The following DNAH6 variants were observed in gnomAD, a reference collection of about 807,000 sequenced individuals.
DNAH6 encodes axonemal beta dynein heavy chain 6.
DNAH6 carries 340 observed loss-of-function variants against 491.4 expected under a neutral mutation model. The ratio of observed to expected loss-of-function variants is 0.69; its 90% CI spans 0.63 to 0.76. DNAH6 has a LOEUF of 0.76. Among genes scored for constraint, DNAH6 ranks in the 30% least tolerant of loss-of-function variants. DNAH6 has a pLI of 0.00. For missense variants in DNAH6, 4,443 were observed against 4,972.2 expected, an observed-to-expected ratio of 0.89 and a Z score of 3.20; for synonymous variants, 1,603 against 1,686.1, an observed-to-expected ratio of 0.95 and a Z score of 1.21.
chr2:84,707,677 G>A lies in DNAH6; in HGVS notation c.9009G>A (p.Val3003=). ...TGNVFIAAAC[V]AYYGAFTAQY... is the part of the protein sequence containing the mutation. The stretch of plus-strand genomic sequence containing the variant: ...ACGTGTTCATAGCAGCAGCTTGTGT[G>A]GCCTACTATGGGGCTTTCACAGCCC... Residue 3003 remains valine (V), a synonymous_variant, in exon 54 of 77, where the codon GTG becomes GTA. Transcript: ENST00000389394. 2 of 1,552,298 alleles carry A rather than the reference G, an allele frequency of 1.3e-6. No homozygotes were observed. Among genetic ancestry groups the A allele is most frequent in the Admixed American group, 2.0e-5 (1 of 51,016 alleles).
At chr2:84,611,326 G>A (rs916647700) in intron 21 of DNAH6, among the ~76,000 whole-genome samples, 1 of 152,106 alleles carries the variant, frequency 6.6e-6, no homozygotes, top group Non-Finnish European at 1.5e-5. Flanking sequence ...TCTTGTGTAT[G>A]TTTGAAAATG....
chr2:84,798,459 A>C (rs1185861983), intron 70 of DNAH6, among the ~76,000 whole-genome samples: 1 of 152,168 alleles, frequency 6.6e-6, no homozygotes, highest in Non-Finnish European at 1.5e-5. Context: ...TTGAACCCAC[A>C]CACAGCCCAG....
At chr2:84,517,094 A>G (rs1194525157) in intron 1 of DNAH6, among the ~76,000 whole-genome samples, 3 of 152,332 alleles carry the variant, frequency 2.0e-5, no homozygotes, top group Non-Finnish European at 4.4e-5. Flanking sequence ...ACTGATCTAT[A>G]TAAAACCTAG....
chr2:84,642,870 T>C (rs1176310303), intron 33 of DNAH6, among the ~76,000 whole-genome samples: 1 of 152,166 alleles, frequency 6.6e-6, no homozygotes, highest in Non-Finnish European at 1.5e-5. Flanking sequence ...AAATACATTG[T>C]TGCTATAACA....
intron 45 of DNAH6, among the ~76,000 whole-genome samples, chr2:84,691,211 T>C (rs1319666113): frequency 1.3e-5 from 2 of 152,180 alleles, no homozygotes; most frequent in African/African-American, 4.8e-5. Context: ...CAAAGCAGAA[T>C]GGACAAGTAA....
rs1334501666 is a variant in DNAH6, at chr2:84,548,374, A to G, written c.1273A>G (p.Thr425Ala). The change falls in exon 8 of 77, where the codon ACA becomes GCA. Residue 425 changes from threonine (T) to alanine (A), a missense_variant. Transcript: ENST00000389394. ...TYGDSEKMTY[T>A]EQASKRHYCM... ...TGGAGACTCTGAGAAAATGACATAT[A>G]CAGAACAGGCCAGCAAAAGGCATTA... 3 of 1,613,940 alleles carry G rather than the reference A, an allele frequency of 1.9e-6. No homozygotes were observed. Among genetic ancestry groups the G allele is most frequent in the Non-Finnish European group, 2.5e-6 (3 of 1,179,966 alleles).
chr2:84,467,478 A>G, the DNAH6 span, among the ~76,000 whole-genome samples: 3 of 152,226 alleles, frequency 2.0e-5, no homozygotes, highest in African/African-American at 7.2e-5. Context: ...AGAAGTGCAG[A>G]TAAGAGCTGA....
intron 63 of DNAH6, among the ~76,000 whole-genome samples, chr2:84,762,417 A>G (rs186478639): frequency 1.7e-3 from 258 of 152,300 alleles, no homozygotes; most frequent in Middle Eastern, 3.4e-3. Flanking sequence ...GCAGAAAGAG[A>G]CAATGGAGGG....
At chr2:84,744,436 T>G (rs2105040145) in intron 62 of DNAH6, among the ~76,000 whole-genome samples, 1 of 152,354 alleles carries the variant, frequency 6.6e-6, no homozygotes, top group East Asian at 1.9e-4. Flanking sequence ...ACAAATCCAT[T>G]TCTTATAAAT....
At chr2:84,515,880 G>GT (rs1197506867), upstream of DNAH6, among the ~76,000 whole-genome samples, 4 of 152,196 alleles carry the variant, frequency 2.6e-5, no homozygotes, top group Admixed American at 2.6e-4. Flanking sequence ...CGGGAACCAA[G>GT]TAATACGGGC....
At chr2:84,665,088 C>T (rs529608969) in intron 37 of DNAH6, among the ~76,000 whole-genome samples, 222 of 152,278 alleles carry the variant, frequency 1.5e-3, no homozygotes, top group African/African-American at 5.2e-3. Flanking sequence ...CTCTGGGACA[C>T]ATTTAAAGCA....
chr2:84,754,338 C>G (rs1471491312), intron 63 of DNAH6, among the ~76,000 whole-genome samples: 1 of 152,098 alleles, frequency 6.6e-6, no homozygotes, highest in African/African-American at 2.4e-5. Flanking sequence ...CACCACCACA[C>G]CTGGCTAATC....
At chr2:84,579,150 A>G (rs1409642991) in intron 13 of DNAH6, among the ~76,000 whole-genome samples, 1 of 152,176 alleles carries the variant, frequency 6.6e-6, no homozygotes, top group Non-Finnish European at 1.5e-5. Flanking sequence ...CATCAGTCAG[A>G]CTGCATATTT....
Position 84,670,395 on chromosome 2 carries a change from A to C in DNAH6, c.6374A>C (p.Asn2125Thr). Residue 2125 changes from asparagine to threonine, a missense_variant, in exon 39 of 77, where the codon AAT becomes ACT. This residue lies in a region of DNAH6 where 2,977 missense variants were observed against 3,296.6 expected (regional missense o/e 0.90). Coordinates refer to ENST00000389394, the MANE Select transcript of DNAH6 (RefSeq NM_001370.2). Reference sequence around the variant, plus strand: ...GCTGGCTATGTCCCTGTTTATCTAAATTTTTCTGCTCAAACTTCATCTGCA... The same window carrying C: ...GCTGGCTATGTCCCTGTTTATCTAACTTTTTCTGCTCAAACTTCATCTGCA... ...ESAGYVPVYL[N>T]FSAQTSSART... 6.5e-7 allele frequency: 1 copy of C among 1,546,454 alleles called. No homozygotes were observed. The highest frequency in any genetic ancestry group is 1.2e-5 in the South Asian group (1 of 82,978).
chr2:84,722,926 C>G (rs559465547), intron 60 of DNAH6, 122 bp downstream of exon 60: 2 of 646,288 alleles, frequency 3.1e-6, no homozygotes, highest in Non-Finnish European at 4.9e-6. Flanking sequence ...CAGGTGCATG[C>G]AAGGTTCAAG....
intron 15 of DNAH6, 90 bp from the exon 16 acceptor site, chr2:84,588,736 C>A: frequency 2.6e-6 from 3 of 1,164,194 alleles, no homozygotes; most frequent in South Asian, 2.1e-5. Flanking sequence ...AGAAAGGAAT[C>A]TTTTTAAAAA....
chr2:84,487,736 T>A, the DNAH6 span, among the ~76,000 whole-genome samples: 1 of 152,150 alleles, frequency 6.6e-6, no homozygotes, highest in Non-Finnish European at 1.5e-5. Context: ...TTCACAAATA[T>A]TTGGGCCCAC....
Position 84,654,778 on chromosome 2 carries a change from A to C in DNAH6, c.5753A>C (p.Lys1918Thr). Residue 1918 changes from lysine (K) to threonine (T), a missense_variant, in exon 35 of 77, where the codon AAA (lysine) becomes ACA (threonine). Coordinates refer to ENST00000389394, the MANE Select transcript of DNAH6 (RefSeq NM_001370.2). ...YVKTWMKGIS[K>T]KLTEETQEYI... is the part of the protein sequence containing the mutation. The stretch of plus-strand genomic sequence containing the variant: ...AAAACTTGGATGAAGGGTATTTCTA[A>C]AAAAGTAAGTGCCATCAGATATTCC... 1 of 1,550,740 alleles carries C rather than the reference A, an allele frequency of 6.4e-7. No individual in the cohort carries two copies. The highest frequency in any genetic ancestry group is 8.7e-7 in the Non-Finnish European group (1 of 1,146,048).
intron 64 of DNAH6, among the ~76,000 whole-genome samples, chr2:84,780,697 T>C (rs572712595): frequency 4.5e-4 from 69 of 152,342 alleles, no homozygotes; most frequent in South Asian, 1.4e-3. Flanking sequence ...ATTTTTTGAA[T>C]TGCCAGAATT....
Sources: gnomAD v4.1 joint callset for allele counts (sites outside exome capture counted in the v4.1 genomes callset) on GRCh38, gnomAD v4.1.1 for gene constraint, gnomAD v4.1.1 regional missense constraint, MANE v1.5 for transcripts, NCBI Gene and HGNC (gene_info 2026-07-23, HGNC 2026-07-21) for gene names.